The following RPTOR variants were observed in gnomAD, a reference collection of about 807,000 sequenced individuals.
The protein encoded by RPTOR is regulatory associated protein of MTOR complex 1.
RPTOR carries 21 observed loss-of-function variants against 169.9 expected under a neutral mutation model. The ratio of observed to expected loss-of-function variants is 0.12; its 90% CI spans 0.09 to 0.18. RPTOR has a LOEUF of 0.18. Among genes scored for constraint, RPTOR ranks in the 10% least tolerant of loss-of-function variants. RPTOR has a pLI of 1.00. For missense variants in RPTOR, 1,133 were observed against 1,855.9 expected (o/e 0.61, Z 7.16); for synonymous variants, 732 against 753.2 (o/e 0.97, Z 0.46).
chr17:80,923,427 T>C (rs921233888), intron 22 of RPTOR, 63 bp from the exon 23 acceptor site: 4 of 1,590,536 alleles, frequency 2.5e-6, no homozygotes, highest in East Asian at 2.2e-5. Flanking sequence ...AGTTGTTCCA[T>C]GTTCCCTCTC....
At chr17:80,840,888 G>C (rs2067636306) in intron 10 of RPTOR, among the ~76,000 whole-genome samples, 1 of 134,486 alleles carries the variant, frequency 7.4e-6, no homozygotes, top group Non-Finnish European at 1.6e-5. Flanking sequence ...CCACACGGCA[G>C]CTCACACTCA....
chr17:80,848,635 T>A (rs966041364), intron 11 of RPTOR, among the ~76,000 whole-genome samples: 1 of 152,244 alleles, frequency 6.6e-6, no homozygotes, highest in Non-Finnish European at 1.5e-5. Flanking sequence ...GCCCCACGGC[T>A]CCTGTTGGTC....
chr17:80,692,172 C>G (rs1432421720), intron 3 of RPTOR, among the ~76,000 whole-genome samples: 1 of 152,154 alleles, frequency 6.6e-6, no homozygotes, highest in African/African-American at 2.4e-5. Context: ...AGTACAGTAG[C>G]AGAATCATAG....
chr17:80,689,107 A>G (rs900847275), intron 3 of RPTOR, among the ~76,000 whole-genome samples: 6 of 152,238 alleles, frequency 3.9e-5, no homozygotes, highest in Non-Finnish European at 7.3e-5. Flanking sequence ...ACATTTATCA[A>G]ACGGTTTCAT....
chr17:80,818,675 G>C (rs2067348490), intron 7 of RPTOR, among the ~76,000 whole-genome samples: 1 of 152,152 alleles, frequency 6.6e-6, no homozygotes, highest in Non-Finnish European at 1.5e-5. Context: ...AATGATTTCT[G>C]GGTCTGTCTG....
At chr17:80,736,239 C>T (rs1234928445) in intron 5 of RPTOR, among the ~76,000 whole-genome samples, 1 of 152,110 alleles carries the variant, frequency 6.6e-6, no homozygotes, top group Non-Finnish European at 1.5e-5. Flanking sequence ...CCCCCGCACT[C>T]TGCAAGGCTT....
intron 13 of RPTOR, among the ~76,000 whole-genome samples, chr17:80,869,401 C>T (rs915766465): frequency 2.6e-5 from 4 of 152,206 alleles, no homozygotes; most frequent in African/African-American, 9.6e-5. Flanking sequence ...AAGTGATCTG[C>T]GTGCCTCAGC....
intron 28 of RPTOR, among the ~76,000 whole-genome samples, chr17:80,953,661 AG>A (rs1191252316): frequency 3.3e-5 from 5 of 152,256 alleles, no homozygotes; most frequent in Non-Finnish European, 5.9e-5. Flanking sequence ...CCACTTCCCA[AG>A]AGCATGTCCG....
chr17:80,779,196 C>T (rs961596758), intron 6 of RPTOR, among the ~76,000 whole-genome samples: 5 of 152,226 alleles, frequency 3.3e-5, no homozygotes, highest in Admixed American at 6.5e-5. Context: ...CTCATGTGTG[C>T]GCCCGTAAGC....
chr17:80,674,576 A>G (rs773189196), intron 3 of RPTOR, among the ~76,000 whole-genome samples: 6 of 152,132 alleles, frequency 3.9e-5, no homozygotes, highest in Non-Finnish European at 7.4e-5. Flanking sequence ...CTTAGCTAAA[A>G]TCTCGCCACC....
chr17:80,827,086 T>C (rs571890729), intron 9 of RPTOR, among the ~76,000 whole-genome samples: 240 of 152,280 alleles, frequency 1.6e-3, no homozygotes, highest in African/African-American at 5.4e-3. Flanking sequence ...GCAGTGAATG[T>C]GAACACCCAG....
chr17:80,884,041 C>T lies in RPTOR; in HGVS notation c.1842+69C>T, dbSNP rs529779948. On this transcript the variant is annotated intron_variant, in intron 16 of 33. Transcript: ENST00000306801. ...ACTGCGGGGGTAAGGCAGAGGTCTG[C>T]TCGCGTGCGGGTGTGGCCGGCCACG... The T allele has an allele frequency of 2.6e-5, 40 of 1,513,436 alleles. No homozygotes were observed. The East Asian group carries it at 4.6e-4, about 18-fold the overall frequency. 93.8% of individuals were successfully genotyped at this position (1,513,436 alleles called of 1,614,324 possible). A position where few individuals can be genotyped will look rare whatever the true frequency, so the allele number is the denominator to read the frequency against.
intron 4 of RPTOR, among the ~76,000 whole-genome samples, chr17:80,727,401 C>T (rs1009995633): frequency 5.4e-5 from 8 of 149,198 alleles, no homozygotes; most frequent in Admixed American, 1.3e-4. Context: ...AGAACATGGA[C>T]GCTGCACCTC....
rs1042776866 is a variant in RPTOR at position 80,600,864 on chromosome 17, G to T, written c.163-24827G>T. ...ACCGCAGCAGCATCTCCCGCCGCAC[G>T]TGCCCTCTCTGCAGTGTAACTGTGA... On this transcript the variant is annotated intron_variant, in intron 1 of 33. Coordinates refer to ENST00000306801, the MANE Select transcript of RPTOR (RefSeq NM_020761.3). Among the ~76,000 whole-genome samples the T allele has an allele frequency of 5.3e-5, 4 of 75,858 alleles. No homozygotes were observed. The East Asian group carries it at 1.4e-3, about 27-fold the overall frequency. 49.8% of individuals were successfully genotyped at this position (75,858 alleles called of 152,430 possible).
chr17:80,670,704 C>T (rs1330142941), intron 3 of RPTOR, among the ~76,000 whole-genome samples: 4 of 152,136 alleles, frequency 2.6e-5, no homozygotes, highest in East Asian at 1.9e-4. Flanking sequence ...CTCTGGTATA[C>T]GATAGATGTG....
At position 80,696,744 on chromosome 17, in the gene RPTOR, C is replaced by T. The variant is rs142226560; in HGVS notation, c.349-11097C>T. On this transcript the variant is annotated intron_variant, in intron 3 of 33. Transcript: ENST00000306801. ...TTGCAGGCGGGAGCACGTGAGTGAG[C>T]GAGTGTGGGATCCAGCCAGCCCCCC... 4.1e-3 allele frequency among the ~76,000 whole-genome samples: 622 copies of T among 152,302 alleles called. 1 individual carries two copies. The highest frequency in any genetic ancestry group is 6.6e-3 in the Non-Finnish European group (451 of 68,018).
rs1220210553 is a variant in RPTOR, at chr17:80,925,396, T to A, written c.2835T>A (p.Ala945=). ...EQTADDADDA[A]GHKSFISATV... ...CTGCGGACGACGCGGACGATGCTGCTGGACACAAAAGTTTCATCTCCGCCA... is the reference window on the plus strand; with the variant it reads ...CTGCGGACGACGCGGACGATGCTGCAGGACACAAAAGTTTCATCTCCGCCA... The change falls in exon 24 of 34, where the codon GCT becomes GCA. Residue 945 remains alanine (A), a synonymous_variant. Transcript: ENST00000306801. 8 of 1,613,682 alleles carry A rather than the reference T, an allele frequency of 5.0e-6. No individual in the cohort carries two copies. Among genetic ancestry groups the A allele is most frequent in the Non-Finnish European group, 6.8e-6 (8 of 1,180,050 alleles).
chr17:80,778,151 A>C (rs1234339094), intron 6 of RPTOR, among the ~76,000 whole-genome samples: 1 of 152,206 alleles, frequency 6.6e-6, no homozygotes, highest in Non-Finnish European at 1.5e-5. Flanking sequence ...TTACTTTAAA[A>C]TCACACCGAG....
intron 6 of RPTOR, among the ~76,000 whole-genome samples, chr17:80,770,342 A>T (rs535437458): frequency 3.9e-5 from 6 of 152,300 alleles, no homozygotes; most frequent in Admixed American, 3.3e-4. Context: ...TTTAGGAGGG[A>T]CGTGCCTTCT....
Sources: gnomAD v4.1 joint callset for allele counts (sites outside exome capture counted in the v4.1 genomes callset) on GRCh38, gnomAD v4.1.1 for gene constraint, MANE v1.5 for transcripts, NCBI Gene and HGNC (gene_info 2026-07-23, HGNC 2026-07-21) for gene names.